HNRNPLL: variants seen among roughly 807,000 people sequenced by gnomAD.
HNRNPLL encodes the protein heterogeneous nuclear ribonucleoprotein L-like.
HNRNPLL carries 25 observed loss-of-function variants against 67.1 expected under a neutral mutation model. The ratio of observed to expected loss-of-function variants is 0.37; its 90% CI spans 0.27 to 0.52. The LOEUF is 0.52. Among genes scored for constraint, HNRNPLL ranks in the 20% least tolerant of loss-of-function variants. The pLI is 0.90. For synonymous variants in HNRNPLL, 267 were observed against 241.7 expected, an observed-to-expected ratio of 1.10 and a Z score of -0.97; for missense variants, 542 against 673.9, an observed-to-expected ratio of 0.80 and a Z score of 2.17.
rs144054336 is a variant in HNRNPLL, at chr2:38,584,077, C to T, written c.547-151G>A. On this transcript the variant is annotated intron_variant, in intron 3 of 12. Transcript: ENST00000449105. ...TAATTCTTAAAATTATTACTTTTTT[C>T]TTGAGACAGGGTCTCACACTGTTGC... 1,082 of 449,686 alleles carry T rather than the reference C, an allele frequency of 2.4e-3. 44 individuals are homozygous for T. The East Asian group carries it at 0.039, about 16-fold the overall frequency. 27.9% of individuals were successfully genotyped at this position (449,686 alleles called of 1,614,324 possible).
Position 38,590,589 on chromosome 2 carries a change from G to A in HNRNPLL, c.308+941C>T, listed in dbSNP as rs931855214. ...TTTTAAGTGTCTATTTTTGGCAGCA[G>A]ATTCACTTTTCTAATTATGTTTTCA... On this transcript the variant is annotated intron_variant, in intron 2 of 12. Coordinates refer to ENST00000449105, the MANE Select transcript of HNRNPLL (RefSeq NM_138394.4). 7.2e-5 allele frequency among the ~76,000 whole-genome samples: 11 copies of A among 152,304 alleles called. 1 individual carries two copies. The East Asian group carries it at 2.1e-3, about 29-fold the overall frequency.
intron 1 of HNRNPLL, 89 bp downstream of exon 1, chr2:38,602,349 T>G: frequency 7.7e-7 from 1 of 1,297,502 alleles, no homozygotes; most frequent in African/African-American, 1.5e-5. Flanking sequence ...CGGAAAAGGC[T>G]AACTGAAGCA....
chr2:38,587,889 G>A (rs983783809), intron 2 of HNRNPLL, among the ~76,000 whole-genome samples: 2 of 152,096 alleles, frequency 1.3e-5, no homozygotes, highest in Non-Finnish European at 2.9e-5. Context: ...TCCCCCTAGC[G>A]CTGTCTCCTG....
chr2:38,590,422 T>C (rs1045386902), intron 2 of HNRNPLL, among the ~76,000 whole-genome samples: 19 of 152,226 alleles, frequency 1.2e-4, no homozygotes, highest in African/African-American at 4.6e-4. Flanking sequence ...TCTATTTATA[T>C]ACTTCAACTT....
At chr2:38,566,163 T>C (rs1665852215) in intron 12 of HNRNPLL, 12 of 811,806 alleles carry the variant, frequency 1.5e-5, no homozygotes, top group Non-Finnish European at 1.8e-5. Flanking sequence ...GGTCCAGGAG[T>C]TCGAGACCAG....
intron 4 of HNRNPLL, 91 bp from the exon 5 acceptor site, chr2:38,582,259 G>T: frequency 1.2e-6 from 1 of 821,636 alleles, no homozygotes; most frequent in Non-Finnish European, 2.1e-6. Context: ...ATCAGAAGTA[G>T]CTCTTTTACT....
chr2:38,577,319 G>A (rs910763142), intron 7 of HNRNPLL, 142 bp downstream of exon 7: 2 of 550,412 alleles, frequency 3.6e-6, no homozygotes, highest in Admixed American at 3.4e-5. Context: ...CAACTCCTGG[G>A]AGTACATTAC....
intron 2 of HNRNPLL, among the ~76,000 whole-genome samples, chr2:38,588,646 T>C (rs962897742): frequency 6.7e-6 from 1 of 150,054 alleles, no homozygotes; most frequent in Admixed American, 6.6e-5. Context: ...AAAATTAAAA[T>C]GTTTTATTTT....
chr2:38,576,055 T>A (rs1666289827), intron 7 of HNRNPLL, among the ~76,000 whole-genome samples: 1 of 151,882 alleles, frequency 6.6e-6, no homozygotes, highest in Middle Eastern at 3.4e-3. Context: ...AAATAAAAAA[T>A]TTTGGCAGGG....
intron 8 of HNRNPLL, among the ~76,000 whole-genome samples, chr2:38,570,533 C>T (rs889281636): frequency 3.3e-5 from 5 of 152,186 alleles, no homozygotes; most frequent in African/African-American, 9.6e-5. Flanking sequence ...TAGGGGGATA[C>T]ACGTTATTTC....
intron 2 of HNRNPLL, among the ~76,000 whole-genome samples, chr2:38,588,417 C>G (rs1666817150): frequency 6.6e-6 from 1 of 151,782 alleles, no homozygotes. Context: ...GGCACGGTGG[C>G]AGGCGCCTGT....
At chr2:38,588,877 A>C (rs1427716757) in intron 2 of HNRNPLL, among the ~76,000 whole-genome samples, 2 of 152,162 alleles carry the variant, frequency 1.3e-5, no homozygotes, top group Non-Finnish European at 2.9e-5. Context: ...TACGAGAAAC[A>C]GTGGGAGATC....
chr2:38,571,418 C>T (rs927360741), intron 8 of HNRNPLL, among the ~76,000 whole-genome samples: 6 of 152,140 alleles, frequency 3.9e-5, no homozygotes, highest in Non-Finnish European at 8.8e-5. Context: ...ACACCTTCAA[C>T]GTAGTATTTC....
chr2:38,580,912 C>G lies in HNRNPLL; in HGVS notation c.802+1001G>C, dbSNP rs190174443. On this transcript the variant is annotated intron_variant, in intron 6 of 12. Coordinates refer to ENST00000449105, the MANE Select transcript of HNRNPLL (RefSeq NM_138394.4). Reference sequence around the variant, plus strand: ...TGACAGTGATAACCTTAAATTGTTACAAAAAGTGACAACTTATAAACAGCC... The same window carrying G: ...TGACAGTGATAACCTTAAATTGTTAGAAAAAGTGACAACTTATAAACAGCC... 6.6e-5 allele frequency among the ~76,000 whole-genome samples: 10 copies of G among 152,226 alleles called. No homozygotes were observed. In the East Asian group the frequency reaches 1.7e-3, roughly 26 times the overall value.
At position 38,562,940 on chromosome 2, in the gene HNRNPLL, T is replaced by C. The variant is rs1665719052; in HGVS notation, c.*1242A>G. On this transcript the variant is annotated 3_prime_UTR_variant, in exon 13 of 13. Coordinates refer to ENST00000449105, the MANE Select transcript of HNRNPLL (RefSeq NM_138394.4). Reference sequence around the variant, plus strand: ...AATGGAACTTTCATTTACAAATTTGTTTAAAAGTGTCAGGATTACAAAACT... The same window carrying C: ...AATGGAACTTTCATTTACAAATTTGCTTAAAAGTGTCAGGATTACAAAACT... 6.6e-6 allele frequency: 1 copy of C among 152,138 alleles called. No individual in the cohort carries two copies. Among genetic ancestry groups the C allele is most frequent in the Admixed American group, 6.5e-5 (1 of 15,282 alleles). The allele number at this position is 152,138 out of a possible 1,614,324, so 9.4% of individuals were successfully genotyped here.
intron 2 of HNRNPLL, among the ~76,000 whole-genome samples, chr2:38,587,763 G>A (rs1666790843): frequency 6.6e-6 from 1 of 152,138 alleles, no homozygotes; most frequent in South Asian, 2.1e-4. Context: ...TACTGATATG[G>A]TGTGGCTCTG....
At chr2:38,576,917 C>T (rs1666321160) in intron 7 of HNRNPLL, among the ~76,000 whole-genome samples, 1 of 151,830 alleles carries the variant, frequency 6.6e-6, no homozygotes, top group African/African-American at 2.4e-5. Flanking sequence ...GATTATTATT[C>T]TAGGTTCCAT....
intron 12 of HNRNPLL, 53 bp downstream of exon 12, chr2:38,568,146 G>T: frequency 1.9e-6 from 2 of 1,055,012 alleles, no homozygotes; most frequent in Non-Finnish European, 2.9e-6. Flanking sequence ...GAATGTTTCT[G>T]TGATGGTAAC....
At chr2:38,565,238 C>G (rs1335465135) in intron 12 of HNRNPLL, among the ~76,000 whole-genome samples, 3 of 152,086 alleles carry the variant, frequency 2.0e-5, no homozygotes, top group African/African-American at 7.2e-5. Context: ...CAAGTGTGTA[C>G]AAGACACTGC....
Sources: gnomAD v4.1 joint callset for allele counts (sites outside exome capture counted in the v4.1 genomes callset) on GRCh38, gnomAD v4.1.1 for gene constraint, MANE v1.5 for transcripts, NCBI Gene and HGNC (gene_info 2026-07-23, HGNC 2026-07-21) for gene names.